The following ITGA4 variants were observed in gnomAD, a reference collection of about 807,000 sequenced individuals.
ITGA4 encodes integrin alpha-4.
In ITGA4, 63 loss-of-function variants were observed where a neutral mutation model predicts 133.6. That is an observed-to-expected ratio of 0.47 (90% confidence interval 0.38 to 0.58). The LOEUF (loss-of-function observed/expected upper bound fraction) is 0.58. Among genes scored for constraint, ITGA4 ranks in the 20% least tolerant of loss-of-function variants. The probability of loss-of-function intolerance (pLI) is 0.00; values close to 1 mark genes in which losing one functional copy is unlikely to be tolerated. For synonymous variants in ITGA4, 483 were observed against 438.0 expected (o/e 1.10, Z -1.28); for missense variants, 1,076 against 1,252.7 (o/e 0.86, Z 2.13).
intron 7 of ITGA4, 61 bp downstream of exon 7, chr2:181,481,744 G>C (rs898175789): frequency 1.5e-6 from 1 of 689,194 alleles, no homozygotes; most frequent in Non-Finnish European, 2.4e-6. Flanking sequence ...GCATGAATAA[G>C]ATATTAAAGG....
Position 181,457,650 on chromosome 2 carries a change from A to T in ITGA4, c.-5A>T. The T allele has an allele frequency of 6.2e-7, 1 of 1,608,122 alleles. No individual in the cohort carries two copies. The highest frequency in any genetic ancestry group is 8.5e-7 in the Non-Finnish European group (1 of 1,178,642). On this transcript the variant is annotated 5_prime_UTR_variant, in exon 1 of 28. Coordinates refer to ENST00000397033, the MANE Select transcript of ITGA4 (RefSeq NM_000885.6). Reference sequence around the variant, plus strand: ...TTAGTGTTGAATGTTCCCCACCGAGAGCGCATGGCTTGGGAAGCGAGGCGC... The same window carrying T: ...TTAGTGTTGAATGTTCCCCACCGAGTGCGCATGGCTTGGGAAGCGAGGCGC...
chr2:181,461,142 T>C (rs1320750377), intron 2 of ITGA4, among the ~76,000 whole-genome samples: 1 of 149,574 alleles, frequency 6.7e-6, no homozygotes, highest in Non-Finnish European at 1.5e-5. Context: ...CTACCCTCTG[T>C]GGACAAGGTG....
chr2:181,519,803 G>A (rs930531806), intron 17 of ITGA4, among the ~76,000 whole-genome samples: 5 of 152,086 alleles, frequency 3.3e-5, no homozygotes, highest in African/African-American at 9.7e-5. Context: ...AGATAAACAC[G>A]GTTTAAGGCT....
chr2:181,465,002 C>G (rs1331041858), intron 2 of ITGA4, among the ~76,000 whole-genome samples: 2 of 152,032 alleles, frequency 1.3e-5, no homozygotes, highest in South Asian at 4.1e-4. Flanking sequence ...CAAAAATGTT[C>G]AGAAAATAGA....
Position 181,475,250 on chromosome 2 carries a change from G to T in ITGA4, c.518G>T (p.Arg173Leu), listed in dbSNP as rs200678526. 6 of 1,612,574 alleles carry T rather than the reference G, an allele frequency of 3.7e-6. No individual in the cohort carries two copies. The highest frequency in any genetic ancestry group is 5.1e-6 in the Non-Finnish European group (6 of 1,178,772). Residue 173 changes from arginine to leucine, a missense_variant, in exon 4 of 28, where the codon CGA becomes CTA. By Grantham distance (102) the Arg-to-Leu change is moderately radical. This residue lies in a region of ITGA4 where 436 missense variants were observed against 590.7 expected (regional missense o/e 0.74). Coordinates refer to ENST00000397033, the MANE Select transcript of ITGA4 (RefSeq NM_000885.6). ...TGCTATGGAGTGCCCCCTGATTTAC[G>T]AACAGAACTGAGTAAAAGAATAGCT... is the stretch of plus-strand genomic sequence containing the variant. ...GGCYGVPPDLRTELSKRIAPC... is the reference protein window; with the variant it reads ...GGCYGVPPDLLTELSKRIAPC...
intron 17 of ITGA4, 35 bp from the exon 18 acceptor site, chr2:181,522,156 T>C (rs1686734197): frequency 1.5e-6 from 2 of 1,359,806 alleles, no homozygotes; most frequent in African/African-American, 1.5e-5. Flanking sequence ...TTTTATTTCC[T>C]AAACAAGAAC....
intron 2 of ITGA4, 97 bp from the exon 3 acceptor site, chr2:181,474,863 T>C: frequency 1.3e-6 from 1 of 767,324 alleles, no homozygotes; most frequent in South Asian, 1.7e-5. Context: ...GATAGAGAAG[T>C]AGTTAACAGA....
At chr2:181,529,511 A>C in intron 22 of ITGA4, 30 bp from the exon 23 acceptor site, 2 of 1,107,300 alleles carry the variant, frequency 1.8e-6, no homozygotes, top group South Asian at 1.3e-5. Flanking sequence ...AAAACATTTA[A>C]TTTGTTAAAA....
intron 4 of ITGA4, chr2:181,475,747 GT>G: frequency 6.5e-7 from 1 of 1,529,552 alleles, no homozygotes; most frequent in South Asian, 1.2e-5. Flanking sequence ...TAATTTACAT[GT>G]TTTCCTTCAA....
chr2:181,506,883 G>A (rs1194487322), intron 15 of ITGA4, among the ~76,000 whole-genome samples: 1 of 152,066 alleles, frequency 6.6e-6, no homozygotes, highest in Non-Finnish European at 1.5e-5. Flanking sequence ...TTACTTAGTA[G>A]GAGGTCTGTC....
At chr2:181,527,437 A>C in intron 22 of ITGA4, 50 bp downstream of exon 22, 3 of 1,212,794 alleles carry the variant, frequency 2.5e-6, no homozygotes, top group Non-Finnish European at 2.4e-6. Flanking sequence ...AAAGGATGTC[A>C]CTGATGCATT....
chr2:181,466,902 C>CCTA (rs921688193), intron 2 of ITGA4, among the ~76,000 whole-genome samples: 156 of 152,214 alleles, frequency 1.0e-3, no homozygotes, highest in African/African-American at 3.5e-3. Flanking sequence ...TTATTGACCA[C>CCTA]CTACTAGGTG....
chr2:181,499,666 T>G (rs1407932188), intron 15 of ITGA4, among the ~76,000 whole-genome samples: 2 of 152,156 alleles, frequency 1.3e-5, no homozygotes, highest in African/African-American at 4.8e-5. Flanking sequence ...TCATTTCCCT[T>G]AACAGTTTTT....
chr2:181,494,234 AAGTGATTATAG>A (rs1213259262), intron 11 of ITGA4, among the ~76,000 whole-genome samples: 1 of 152,208 alleles, frequency 6.6e-6, no homozygotes, highest in Admixed American at 6.5e-5. Context: ...AGGCTCCACT[AAGTGATTATAG>A]ACATCTTGTT....
chr2:181,507,957 T>TTTCAAAGA, intron 15 of ITGA4, among the ~76,000 whole-genome samples: 1 of 152,234 alleles, frequency 6.6e-6, no homozygotes, highest in East Asian at 1.9e-4. Context: ...TGACAAATGC[T>TTTCAAAGA]TTCAAAGATT....
chr2:181,478,422 G>A (rs534739296), intron 4 of ITGA4, among the ~76,000 whole-genome samples: 1 of 152,162 alleles, frequency 6.6e-6, no homozygotes, highest in African/African-American at 2.4e-5. Context: ...TATCAAACCT[G>A]ATGTTGTACA....
intron 23 of ITGA4, 25 bp from the exon 24 acceptor site, chr2:181,530,499 T>C (rs1331495771): frequency 6.3e-7 from 1 of 1,594,928 alleles, no homozygotes; most frequent in Non-Finnish European, 8.6e-7. Flanking sequence ...AAAGATAAGA[T>C]TTCTCTTGCT....
At position 181,494,738 on chromosome 2, in the gene ITGA4, A is replaced by G; in HGVS notation, c.1265A>G (p.Gln422Arg). 3 of 1,597,618 alleles carry G rather than the reference A, an allele frequency of 1.9e-6. No individual in the cohort carries two copies. Among genetic ancestry groups the G allele is most frequent in the Non-Finnish European group, 2.6e-6 (3 of 1,165,156 alleles). Residue 422 changes from glutamine (Q) to arginine (R), a missense_variant, in exon 12 of 28, where the codon CAG (glutamine) becomes CGG (arginine). By Grantham distance (43) the Gln-to-Arg change is conservative. Coordinates refer to ENST00000397033, the MANE Select transcript of ITGA4 (RefSeq NM_000885.6). ...STFSQRIEGL[Q>R]ISKSLSMFGQ... Reference sequence around the variant, plus strand: ...ATTTTTCAGAGAATTGAAGGACTTCAGATCAGCAAATCGTTAAGTATGTTT... The same window carrying G: ...ATTTTTCAGAGAATTGAAGGACTTCGGATCAGCAAATCGTTAAGTATGTTT...
At chr2:181,513,852 A>G (rs934205208) in intron 17 of ITGA4, among the ~76,000 whole-genome samples, 1 of 152,136 alleles carries the variant, frequency 6.6e-6, no homozygotes, top group Non-Finnish European at 1.5e-5. Context: ...GTCTTCAGCT[A>G]CTTAAACTTA....
Sources: gnomAD v4.1 joint callset for allele counts (sites outside exome capture counted in the v4.1 genomes callset) on GRCh38, gnomAD v4.1.1 for gene constraint, gnomAD v4.1.1 regional missense constraint, MANE v1.5 for transcripts, NCBI Gene and HGNC (gene_info 2026-07-23, HGNC 2026-07-21) for gene names.